Variants in IL2RB observed in about 807,000 individuals in gnomAD.
The protein encoded by IL2RB is interleukin-2 receptor subunit beta.
IL2RB carries 17 observed loss-of-function variants against 44.2 expected under a neutral mutation model. That is an observed-to-expected ratio of 0.38 (90% confidence interval 0.26 to 0.58). The LOEUF (loss-of-function observed/expected upper bound fraction) is 0.58, where lower values mean the gene tolerates loss of function less well. Among genes scored for constraint, IL2RB ranks in the 20% least tolerant of loss-of-function variants. The probability of loss-of-function intolerance (pLI) is 0.63; values close to 1 mark genes in which losing one functional copy is unlikely to be tolerated. For synonymous variants in IL2RB, 286 were observed against 297.9 expected (o/e 0.96, Z 0.41); for missense variants, 624 against 685.5 (o/e 0.91, Z 1.00).
At chr22:37,135,177 GTCCAGAAT>G (rs1218546059) in intron 8 of IL2RB, 143 bp downstream of exon 8, 38 of 616,430 alleles carry the variant, frequency 6.2e-5, no homozygotes, top group African/African-American at 4.6e-4. Flanking sequence ...AGGGGGTTCG[GTCCAGAAT>G]CTGACCTGGC....
chr22:37,143,613 G>A lies in IL2RB; in HGVS notation c.111C>T (p.Phe37=). ...AGGAGATGTTGGCTCTCGAGTTGTAGAAGCATGTGAACTGGGAAGTGCCTG... is the reference window on the plus strand; with the variant it reads ...AGGAGATGTTGGCTCTCGAGTTGTAAAAGCATGTGAACTGGGAAGTGCCTG... ...AVNGTSQFTC[F]YNSRANISCV... is the part of the protein sequence containing the mutation. The change falls in exon 3 of 10, where the codon TTC becomes TTT. Residue 37 remains phenylalanine, a synonymous_variant. Coordinates refer to ENST00000216223, the MANE Select transcript of IL2RB (RefSeq NM_000878.5). 1 of 1,613,992 alleles carries A rather than the reference G, an allele frequency of 6.2e-7. No homozygotes were observed. The highest frequency in any genetic ancestry group is 8.5e-7 in the Non-Finnish European group (1 of 1,179,888).
upstream of IL2RB, chr22:37,149,954 G>A (rs760748081): frequency 1.5e-5 from 15 of 975,988 alleles, no homozygotes; most frequent in Non-Finnish European, 1.8e-5. Flanking sequence ...CCCAGAGCCA[G>A]CCCACTTCCT....
rs1922403720 is a variant in IL2RB, at chr22:37,149,883, C to T, written c.-92G>A. On this transcript the variant is annotated 5_prime_UTR_variant, in exon 1 of 10. Transcript: ENST00000216223. ...TCTCCAGTCCTCCCCGGTGCTGGGA[C>T]CGTGGCCATCTCTCCAGGGCCCTGC... 14 of 985,592 alleles carry T rather than the reference C, an allele frequency of 1.4e-5. No individual in the cohort carries two copies. Among genetic ancestry groups the T allele is most frequent in the Non-Finnish European group, 1.7e-5 (14 of 830,212 alleles). The allele number at this position is 985,592 out of a possible 1,614,324, so 61.1% of individuals were successfully genotyped here.
rs73887559 is a variant in IL2RB at position 37,160,405 on chromosome 22, T to C, written c.-34+14553A>G. Among the ~76,000 whole-genome samples the C allele has an allele frequency of 3.9e-3, 598 of 152,204 alleles. 2 individuals carry two copies. Among genetic ancestry groups the C allele is most frequent in the African/African-American group, 0.014 (570 of 41,512 alleles). ...ACTAAGGAAGCCTAGTCTCTCCTTC[T>C]GGGAGGGTTTGGGCAGGGAACTGAG... On this transcript the variant is annotated intron_variant, in intron 1 of 5. Transcript: ENST00000429622.
rs972235675 is a variant in IL2RB, at chr22:37,141,249, C to T, written c.282+1185G>A. On this transcript the variant is annotated intron_variant, in intron 4 of 9. Coordinates refer to ENST00000216223, the MANE Select transcript of IL2RB (RefSeq NM_000878.5). This position sits in a 1 kb window ranked among gnomAD's most constrained non-coding sequence, Gnocchi z 4.4. ...GGGGCCCTGGTCCAAACCCAAGCCT[C>T]CAGGTGATCTTGCAAGCAGGGAGCA... is the stretch of plus-strand genomic sequence containing the variant. Among the ~76,000 whole-genome samples, 3 of 151,866 alleles carry T rather than the reference C, an allele frequency of 2.0e-5. No homozygotes were observed. Among genetic ancestry groups the T allele is most frequent in the Admixed American group, 1.3e-4 (2 of 15,260 alleles).
chr22:37,135,225 TGTGTGTGTATGTGTGCTTGTGTGC>T lies in IL2RB; in HGVS notation c.818+79_818+102del, dbSNP rs1217671626. 9.3e-6 allele frequency: 7 copies of T among 755,842 alleles called. No individual in the cohort carries two copies. In the Admixed American group the frequency reaches 1.4e-4, roughly 15 times the overall value. 46.8% of individuals were successfully genotyped at this position (755,842 alleles called of 1,614,324 possible). Reference sequence around the variant, plus strand: ...TGGCATGTGTTCATGTAAGTGTGTGTGTGTGTGTATGTGTGCTTGTGTGCGTGTGTGTGCATGTGTGTGCATGTG... The same window carrying T: ...TGGCATGTGTTCATGTAAGTGTGTGTGTGTGTGTGCATGTGTGTGCATGTG... On this transcript the variant is annotated intron_variant, in intron 8 of 9. Coordinates refer to ENST00000216223, the MANE Select transcript of IL2RB (RefSeq NM_000878.5).
chr22:37,174,324 T>C (rs1380227771), intron 1 of IL2RB, among the ~76,000 whole-genome samples: 1 of 152,200 alleles, frequency 6.6e-6, no homozygotes, highest in East Asian at 1.9e-4. Flanking sequence ...CTGGCTACTT[T>C]AGAGATAACA....
chr22:37,154,803 T>C (rs1922621995), upstream of IL2RB, among the ~76,000 whole-genome samples: 1 of 152,118 alleles, frequency 6.6e-6, no homozygotes, highest in African/African-American at 2.4e-5. Context: ...CTCGATCTCC[T>C]GACCTCGTGA....
rs1921222945 is a variant in IL2RB, at chr22:37,128,287, G to A, written c.1465C>T (p.Pro489Ser). The A allele has an allele frequency of 6.7e-7, 1 of 1,502,356 alleles. No individual in the cohort carries two copies. The highest frequency in any genetic ancestry group is 2.3e-5 in the East Asian group (1 of 42,684). 93.1% of individuals were successfully genotyped at this position (1,502,356 alleles called of 1,614,324 possible). A position where few individuals can be genotyped will look rare whatever the true frequency, so the allele number is the denominator to read the frequency against. Residue 489 changes from proline to serine, a missense_variant, in exon 10 of 10, where the codon CCT becomes TCT. Physicochemically the swap from Pro to Ser is moderately conservative, Grantham distance 74. Transcript: ENST00000216223. The surrounding 1 kb of genome is among the most constrained non-coding windows in gnomAD (Gnocchi z 4.5). ...CCAGCCTCTCGCAGCACCAGCTCAG[G>A]GGGTGGCTGAAAATCCACCAGGTCT... is the stretch of plus-strand genomic sequence containing the variant. ...VPDLVDFQPP[P>S]ELVLREAGEE...
At chr22:37,149,266 C>CCAGG (rs1922372382) in intron 1 of IL2RB, among the ~76,000 whole-genome samples, 1 of 152,208 alleles carries the variant, frequency 6.6e-6, no homozygotes, top group South Asian at 2.1e-4. Flanking sequence ...AGACTCAAAC[C>CCAGG]CAGGGCTCTG....
chr22:37,140,217 C>T (rs1033284523), intron 4 of IL2RB, among the ~76,000 whole-genome samples: 9 of 152,010 alleles, frequency 5.9e-5, no homozygotes, highest in African/African-American at 1.9e-4. Flanking sequence ...TCCTCTCCAC[C>T]CTATAGACCC....
At position 37,128,589 on chromosome 22, in the gene IL2RB, G is replaced by C. The variant is rs1190639049; in HGVS notation, c.1163C>G (p.Ser388Ter). The C allele has an allele frequency of 1.9e-6, 3 of 1,613,996 alleles. No homozygotes were observed. Among genetic ancestry groups the C allele is most frequent in the Non-Finnish European group, 2.5e-6 (3 of 1,179,990 alleles). The change falls in exon 10 of 10, where the codon TCA becomes TGA. Residue 388 changes from serine (S) to a stop codon, truncating the protein, a stop_gained. Transcript: ENST00000216223. LOFTEE classifies it low-confidence loss of function (END_TRUNC). The surrounding 1 kb of genome is among the most constrained non-coding windows in gnomAD (Gnocchi z 4.5). ...CACACCCTCATCAGGGTCTTCCTCTGAGTAGGGGTCGTAAGTAAAGTACAC... is the reference window on the plus strand; with the variant it reads ...CACACCCTCATCAGGGTCTTCCTCTCAGTAGGGGTCGTAAGTAAAGTACAC... ...CQVYFTYDPY[S>*]EEDPDEGVAG...
Position 37,144,163 on chromosome 22 carries a change from G to T in IL2RB, c.10C>A (p.Pro4Thr), listed in dbSNP as rs1203813846. ...AGGGGCAGACGCCAGGACAGAGCAG[G>T]GGCCGCCATTACATCCACAGGGTGG... MAA[P>T]ALSWRLPLLI... Residue 4 changes from proline to threonine, a missense_variant, in exon 2 of 10, where the codon CCT (proline) becomes ACT (threonine). Physicochemically the swap from Pro to Thr is conservative, Grantham distance 38. Transcript: ENST00000216223. The T allele has an allele frequency of 1.9e-6, 3 of 1,551,406 alleles. No homozygotes were observed. Among genetic ancestry groups the T allele is most frequent in the Non-Finnish European group, 2.6e-6 (3 of 1,146,894 alleles).
chr22:37,167,829 C>T (rs1003444872), intron 1 of IL2RB, among the ~76,000 whole-genome samples: 1 of 152,140 alleles, frequency 6.6e-6, no homozygotes, highest in South Asian at 2.1e-4. Flanking sequence ...GAGCCTAAAG[C>T]TTTGTGTGAC....
chr22:37,162,299 A>G (rs1407780981), intron 1 of IL2RB, among the ~76,000 whole-genome samples: 3 of 152,108 alleles, frequency 2.0e-5, no homozygotes, highest in Non-Finnish European at 4.4e-5. Flanking sequence ...TGAGCATTGG[A>G]TGCTCAAGGA....
chr22:37,165,961 C>G (rs900237025), intron 1 of IL2RB, among the ~76,000 whole-genome samples: 1 of 152,238 alleles, frequency 6.6e-6, no homozygotes, highest in Non-Finnish European at 1.5e-5. Context: ...GGAGCGAGAT[C>G]ATGGCCTGTC....
chr22:37,158,722 G>A (rs1201173519), intron 1 of IL2RB, among the ~76,000 whole-genome samples: 7 of 152,202 alleles, frequency 4.6e-5, no homozygotes, highest in South Asian at 2.1e-4. Context: ...TGTGGCATAC[G>A]TCTGTGAAGG....
chr22:37,139,173 C>CG lies in IL2RB; in HGVS notation c.331dup (p.Arg111ProfsTer2). On this transcript the variant is annotated frameshift_variant, in exon 5 of 10. Coordinates refer to ENST00000216223, the MANE Select transcript of IL2RB (RefSeq NM_000878.5). LOFTEE classifies it high-confidence loss of function. ...CATCACCCTCCATCGCACCCCCTCACGGCACAGCACCCTCAGGGTGACGAT... is the reference window on the plus strand; with the variant it reads ...CATCACCCTCCATCGCACCCCCTCACGGGCACAGCACCCTCAGGGTGACGAT... 1 of 1,613,972 alleles carries CG rather than the reference C, an allele frequency of 6.2e-7. No homozygotes were observed. Among genetic ancestry groups the CG allele is most frequent in the Non-Finnish European group, 8.5e-7 (1 of 1,179,892 alleles).
chr22:37,137,538 G>C (rs1264185741), intron 6 of IL2RB, 49 bp downstream of exon 6: 1 of 1,599,246 alleles, frequency 6.3e-7, no homozygotes, highest in East Asian at 2.2e-5. Flanking sequence ...ACATGGACCA[G>C]GACAGGAAGG....
Sources: allele counts gnomAD v4.1 joint callset (sites outside exome capture counted in the v4.1 genomes callset), GRCh38; gene constraint gnomAD v4.1.1; non-coding constraint Gnocchi (gnomAD v3.1); transcripts MANE v1.5; gene names NCBI Gene and HGNC (gene_info 2026-07-23, HGNC 2026-07-21).